CDH13: variants seen among roughly 807,000 people sequenced by gnomAD.
CDH13 encodes cadherin 13, also known as cadherin-13.
CDH13 carries 24 observed loss-of-function variants against 63.8 expected under a neutral mutation model. The observed-to-expected ratio is 0.38, with a 90% confidence interval of 0.27 to 0.53. CDH13 has a LOEUF of 0.53. Among genes scored for constraint, CDH13 ranks in the 20% least tolerant of loss-of-function variants. CDH13 has a pLI of 0.85. For missense variants in CDH13, 1,049 were observed against 903.1 expected (o/e 1.16, Z -2.07); for synonymous variants, 503 against 355.3 (o/e 1.42, Z -4.67).
At chr16:83,213,052 T>C (rs1312618269) in intron 4 of CDH13, among the ~76,000 whole-genome samples, 1 of 152,100 alleles carries the variant, frequency 6.6e-6, no homozygotes, top group African/African-American at 2.4e-5. Flanking sequence ...GGAGGCAGGT[T>C]CAGCAGCCAC....
At chr16:82,935,441 T>G (rs1222431613) in intron 2 of CDH13, among the ~76,000 whole-genome samples, 1 of 152,220 alleles carries the variant, frequency 6.6e-6, no homozygotes, top group East Asian at 1.9e-4. Flanking sequence ...TAGTTACAAC[T>G]GTTTTCATGA....
intron 5 of CDH13, among the ~76,000 whole-genome samples, chr16:83,267,796 C>T (rs573640954): frequency 6.6e-6 from 1 of 152,164 alleles, no homozygotes; most frequent in Non-Finnish European, 1.5e-5. Flanking sequence ...ATGACCCAGT[C>T]ATTTTATTTA....
intron 1 of CDH13, among the ~76,000 whole-genome samples, chr16:82,770,205 G>A (rs2035209656): frequency 1.3e-5 from 2 of 152,212 alleles, no homozygotes; most frequent in African/African-American, 2.4e-5. Context: ...AGAGAATAGT[G>A]TTCGAATAGT....
intron 10 of CDH13, among the ~76,000 whole-genome samples, chr16:83,689,438 A>G (rs1031314036): frequency 2.0e-5 from 3 of 152,212 alleles, no homozygotes; most frequent in East Asian, 1.9e-4. Flanking sequence ...TTGTCTATCA[A>G]TCACTAACAC....
chr16:83,426,907 CTTTTTTT>C (rs71148833), intron 6 of CDH13, among the ~76,000 whole-genome samples: 28 of 63,182 alleles, frequency 4.4e-4, no homozygotes, highest in African/African-American at 9.2e-4. Context: ...ATGTTTCTTT[CTTTTTTT>C]TTTTTTTTTT....
chr16:82,954,037 G>C (rs1409846082), intron 2 of CDH13: 1 of 152,092 alleles, frequency 6.6e-6, no homozygotes, highest in African/African-American at 2.4e-5. Flanking sequence ...TAGTTTATTT[G>C]GGAGGTAATG....
chr16:83,445,633 A>T (rs2072665262), intron 6 of CDH13, among the ~76,000 whole-genome samples: 1 of 152,206 alleles, frequency 6.6e-6, no homozygotes, highest in Non-Finnish European at 1.5e-5. Context: ...AGCGATAAAG[A>T]CCATCATGTT....
chr16:83,004,913 G>T (rs1913324849), intron 2 of CDH13, among the ~76,000 whole-genome samples: 1 of 152,156 alleles, frequency 6.6e-6, no homozygotes, highest in South Asian at 2.1e-4. Context: ...CATCCCCAGG[G>T]TGGTATCCTC....
At chr16:83,362,604 G>A (rs2091183354) in intron 6 of CDH13, among the ~76,000 whole-genome samples, 1 of 152,158 alleles carries the variant, frequency 6.6e-6, no homozygotes, top group African/African-American at 2.4e-5. Context: ...TTTCATGTGA[G>A]GACACAGAAG....
At chr16:82,909,365 G>T (rs1027664187) in intron 2 of CDH13, among the ~76,000 whole-genome samples, 1 of 151,820 alleles carries the variant, frequency 6.6e-6, no homozygotes. Context: ...TAAAATGTGT[G>T]CGTTAAATAT....
At chr16:83,319,280 A>C (rs1317466559) in intron 5 of CDH13, among the ~76,000 whole-genome samples, 1 of 152,128 alleles carries the variant, frequency 6.6e-6, no homozygotes, top group Non-Finnish European at 1.5e-5. Context: ...CAAATATTTG[A>C]CCTCTAGGAT....
chr16:83,100,719 C>T (rs2151600626), intron 3 of CDH13, among the ~76,000 whole-genome samples: 1 of 152,234 alleles, frequency 6.6e-6, no homozygotes, highest in Middle Eastern at 3.4e-3. Context: ...TAGCTCAAGC[C>T]AGGTAGGATA....
intron 5 of CDH13, among the ~76,000 whole-genome samples, chr16:83,226,334 C>G (rs557835658): frequency 1.3e-5 from 2 of 152,200 alleles, no homozygotes; most frequent in Non-Finnish European, 2.9e-5. Context: ...ATTTGGTCCA[C>G]TAAGCAAAGC....
chr16:83,025,198 C>T (rs1056263085), intron 2 of CDH13, among the ~76,000 whole-genome samples: 3 of 152,194 alleles, frequency 2.0e-5, no homozygotes, highest in Non-Finnish European at 4.4e-5. Flanking sequence ...CTTGTTTACA[C>T]ATGCCATAAG....
chr16:82,808,299 C>T (rs1370676116), intron 1 of CDH13, among the ~76,000 whole-genome samples: 1 of 152,152 alleles, frequency 6.6e-6, no homozygotes, highest in African/African-American at 2.4e-5. Context: ...TCTAGGATCT[C>T]CAGCTTCTAT....
chr16:83,392,938 A>T (rs189210893), intron 6 of CDH13, among the ~76,000 whole-genome samples: 1 of 117,842 alleles, frequency 8.5e-6, no homozygotes, highest in African/African-American at 2.6e-5. Flanking sequence ...AAGAGCTGGA[A>T]GGAAGTTGGG....
chr16:83,547,134 G>A (rs2075400476), intron 7 of CDH13, among the ~76,000 whole-genome samples: 1 of 152,146 alleles, frequency 6.6e-6, no homozygotes, highest in African/African-American at 2.4e-5. Flanking sequence ...CATCTAGTGG[G>A]GGAGGCAAAC....
chr16:82,823,537 A>C (rs2151099101), intron 1 of CDH13: 1 of 152,312 alleles, frequency 6.6e-6, no homozygotes, highest in Non-Finnish European at 1.5e-5. Flanking sequence ...TGGCATAACC[A>C]CTTGATAGGA....
At chr16:82,982,802 C>T (rs1910453760) in intron 2 of CDH13, among the ~76,000 whole-genome samples, 1 of 152,168 alleles carries the variant, frequency 6.6e-6, no homozygotes, top group Non-Finnish European at 1.5e-5. Context: ...ACAAATGGCC[C>T]TAATATTCCC....
Sources: gnomAD v4.1 joint callset for allele counts (sites outside exome capture counted in the v4.1 genomes callset) on GRCh38, gnomAD v4.1.1 for gene constraint, MANE v1.5 for transcripts, NCBI Gene and HGNC (gene_info 2026-07-23, HGNC 2026-07-21) for gene names.